The following TTC33 variants were observed in gnomAD, a reference collection of about 807,000 sequenced individuals.
The protein encoded by TTC33 is tetratricopeptide repeat domain 33.
TTC33 carries 24 observed loss-of-function variants against 29.4 expected under a neutral mutation model. The ratio of observed to expected loss-of-function variants is 0.82; its 90% confidence interval spans 0.59 to 1.15. The LOEUF (loss-of-function observed/expected upper bound fraction) is 1.15, where lower values mean the gene tolerates loss of function less well. Ranked by LOEUF, TTC33 falls within the 50% of genes most tolerant of loss-of-function variation. TTC33 has a pLI of 0.00. For synonymous variants in TTC33, 107 were observed against 100.3 expected, an observed-to-expected ratio of 1.07 and a Z score of -0.40; for missense variants, 286 against 310.4, an observed-to-expected ratio of 0.92 and a Z score of 0.59.
intron 2 of TTC33, among the ~76,000 whole-genome samples, chr5:40,733,960 G>T (rs1402438902): frequency 2.0e-5 from 3 of 152,134 alleles, no homozygotes; most frequent in Non-Finnish European, 2.9e-5. Flanking sequence ...AAAGAAAAAT[G>T]TCCTCTCTTC....
At chr5:40,732,051 A>G (rs980501243) in intron 2 of TTC33, among the ~76,000 whole-genome samples, 1 of 152,246 alleles carries the variant, frequency 6.6e-6, no homozygotes, top group African/African-American at 2.4e-5. Flanking sequence ...TGAGAGACAG[A>G]GTCTTGCTCC....
At chr5:40,723,017 G>C (rs1742184942) in intron 4 of TTC33, among the ~76,000 whole-genome samples, 1 of 152,236 alleles carries the variant, frequency 6.6e-6, no homozygotes, top group African/African-American at 2.4e-5. Context: ...GTGGGGAAAA[G>C]GAGAGATCGG....
chr5:40,724,300 A>G (rs1423017734), intron 4 of TTC33, among the ~76,000 whole-genome samples: 1 of 152,242 alleles, frequency 6.6e-6, no homozygotes, highest in Non-Finnish European at 1.5e-5. Context: ...AATTCCACTT[A>G]TACGATATCT....
In TTC33 at chr5:40,712,071, T is replaced by A. The variant is rs1353876322; in HGVS notation, c.*4074A>T. Among the ~76,000 whole-genome samples, 1 of 152,136 alleles carries A rather than the reference T, an allele frequency of 6.6e-6. No homozygotes were observed. The highest frequency in any genetic ancestry group is 2.1e-4 in the South Asian group (1 of 4,826). On this transcript the variant is annotated 3_prime_UTR_variant, in exon 5 of 5. Transcript: ENST00000337702. ...TACTTGCATTTTATTATTTCTAAGTTATACTCATTTAAGAAAGTTAATAGA... is the reference window on the plus strand; with the variant it reads ...TACTTGCATTTTATTATTTCTAAGTAATACTCATTTAAGAAAGTTAATAGA...
At chr5:40,722,256 C>T (rs940539703) in intron 4 of TTC33, among the ~76,000 whole-genome samples, 8 of 152,110 alleles carry the variant, frequency 5.3e-5, no homozygotes. Context: ...CGGCTCGCTG[C>T]AACCTCCACC....
At chr5:40,753,330 C>T (rs1742929645) in intron 1 of TTC33, among the ~76,000 whole-genome samples, 1 of 151,194 alleles carries the variant, frequency 6.6e-6, no homozygotes. Context: ...CACCATTGCA[C>T]TCCAGCCTGA....
rs1296976994 is a variant in TTC33, at chr5:40,715,187, T to G, written c.*958A>C. On this transcript the variant is annotated 3_prime_UTR_variant, in exon 5 of 5. Transcript: ENST00000337702. ...ATTAGCTATTTAAAATTGTAATTAT[T>G]TTTCATTTCACTGAGTAGTTTCAAA... 2.6e-5 allele frequency: 4 copies of G among 152,088 alleles called. No individual in the cohort carries two copies. Among genetic ancestry groups the G allele is most frequent in the Non-Finnish European group, 5.9e-5 (4 of 67,950 alleles). The allele number at this position is 152,088 out of a possible 1,614,324, so 9.4% of individuals were successfully genotyped here. A position where few individuals can be genotyped will look rare whatever the true frequency, so the allele number is the denominator to read the frequency against.
In TTC33 at chr5:40,711,791, A is replaced by G. The variant is rs901891515; in HGVS notation, c.*4354T>C. Reference sequence around the variant, plus strand: ...AAAAGCATCATGTTAAGCAAAAAAAAAGTCAGACACAAAAAGAGTGCATAT... The same window carrying G: ...AAAAGCATCATGTTAAGCAAAAAAAGAGTCAGACACAAAAAGAGTGCATAT... On this transcript the variant is annotated 3_prime_UTR_variant, in exon 5 of 5. Coordinates refer to ENST00000337702, the MANE Select transcript of TTC33 (RefSeq NM_012382.3). Among the ~76,000 whole-genome samples the G allele has an allele frequency of 2.0e-5, 3 of 152,158 alleles. No individual in the cohort carries two copies. Among genetic ancestry groups the G allele is most frequent in the Non-Finnish European group, 4.4e-5 (3 of 67,998 alleles).
At chr5:40,717,080 T>C (rs1742016377) in intron 4 of TTC33, among the ~76,000 whole-genome samples, 2 of 151,952 alleles carry the variant, frequency 1.3e-5, no homozygotes, top group South Asian at 4.2e-4. Context: ...AATACAAAAA[T>C]TAGCCAGGCA....
chr5:40,721,398 A>G (rs1242418585), intron 4 of TTC33, among the ~76,000 whole-genome samples: 3 of 152,348 alleles, frequency 2.0e-5, no homozygotes, highest in Middle Eastern at 3.4e-3. Context: ...ATTCTGGCAT[A>G]AAGTCAGATA....
chr5:40,734,290 C>G lies in TTC33; in HGVS notation c.222-3947G>C, dbSNP rs116679979. Among the ~76,000 whole-genome samples the G allele has an allele frequency of 8.3e-3, 1,106 of 132,854 alleles. 8 individuals are homozygous for G. The highest frequency in any genetic ancestry group is 0.029 in the African/African-American group (1,038 of 35,214). 87.2% of individuals were successfully genotyped at this position (132,854 alleles called of 152,430 possible). On this transcript the variant is annotated intron_variant, in intron 2 of 4. Transcript: ENST00000337702. ...CAATAGTCTCTCATAATTTCTGCAG[C>G]ATATCTCTTAATTCAACTTCAGTTT...
At chr5:40,741,246 G>A (rs1391704272) in intron 2 of TTC33, among the ~76,000 whole-genome samples, 1 of 152,180 alleles carries the variant, frequency 6.6e-6, no homozygotes, top group Non-Finnish European at 1.5e-5. Context: ...TATTTTTAAA[G>A]GTTTTCTAGG....
chr5:40,717,100 G>C (rs963850292), intron 4 of TTC33, among the ~76,000 whole-genome samples: 2 of 151,874 alleles, frequency 1.3e-5, no homozygotes, highest in Non-Finnish European at 2.9e-5. Context: ...ATGATGGCGG[G>C]TGCCTGTAAT....
At chr5:40,739,547 T>A (rs536423724) in intron 2 of TTC33, among the ~76,000 whole-genome samples, 7 of 152,190 alleles carry the variant, frequency 4.6e-5, no homozygotes, top group Non-Finnish European at 1.0e-4. Flanking sequence ...TCTGGTTGCA[T>A]AAAAGTGTGT....
At chr5:40,739,138 A>ACACT (rs1742638878) in intron 2 of TTC33, among the ~76,000 whole-genome samples, 1 of 152,178 alleles carries the variant, frequency 6.6e-6, no homozygotes, top group African/African-American at 2.4e-5. Flanking sequence ...TAGTACTATA[A>ACACT]AGGTATAACA....
At chr5:40,754,371 T>C (rs1742948336) in intron 1 of TTC33, among the ~76,000 whole-genome samples, 1 of 152,120 alleles carries the variant, frequency 6.6e-6, no homozygotes, top group Non-Finnish European at 1.5e-5. Context: ...AGTTCAGGGA[T>C]GGAGGGAAAG....
At position 40,714,299 on chromosome 5, in the gene TTC33, A is replaced by C. The variant is rs556197264; in HGVS notation, c.*1846T>G. Among the ~76,000 whole-genome samples, 43 of 152,312 alleles carry C rather than the reference A, an allele frequency of 2.8e-4. No homozygotes were observed. The highest frequency in any genetic ancestry group is 2.1e-4 in the South Asian group (1 of 4,832). ...AATTGAGGTTAAATATCTCCAAACT[A>C]ACTCAAGTTCTTCATAGAAATAGCT... On this transcript the variant is annotated 3_prime_UTR_variant, in exon 5 of 5. Transcript: ENST00000337702.
At chr5:40,721,233 A>G (rs1022784263) in intron 4 of TTC33, among the ~76,000 whole-genome samples, 1 of 152,206 alleles carries the variant, frequency 6.6e-6, no homozygotes, top group African/African-American at 2.4e-5. Context: ...AAGAACAGAG[A>G]GGGATATTTG....
chr5:40,754,967 T>C (rs1742958897), intron 1 of TTC33, among the ~76,000 whole-genome samples: 1 of 152,172 alleles, frequency 6.6e-6, no homozygotes, highest in African/African-American at 2.4e-5. Context: ...GGCTTCAACA[T>C]CCTAGACTTA....
Sources: gnomAD v4.1 joint callset for allele counts (sites outside exome capture counted in the v4.1 genomes callset) on GRCh38, gnomAD v4.1.1 for gene constraint, MANE v1.5 for transcripts, NCBI Gene and HGNC (gene_info 2026-07-23, HGNC 2026-07-21) for gene names.